The following SORCS2 variants were observed in gnomAD, a reference collection of about 807,000 sequenced individuals.
SORCS2 encodes VPS10 domain-containing receptor SorCS2.
SORCS2 carries 100 observed loss-of-function variants against 141.6 expected under a neutral mutation model. That is an observed-to-expected ratio of 0.71 (90% CI 0.60 to 0.83). The LOEUF (loss-of-function observed/expected upper bound fraction) is 0.83. SORCS2 is among the 40% of genes least tolerant of loss of function. The probability of loss-of-function intolerance (pLI) is 0.00; values close to 1 mark genes in which losing one functional copy is unlikely to be tolerated. For synonymous variants in SORCS2, 789 were observed against 676.9 expected, an observed-to-expected ratio of 1.17 and a Z score of -2.57; for missense variants, 1,646 against 1,560.2, an observed-to-expected ratio of 1.05 and a Z score of -0.93.
At chr4:7,578,672 T>TGGGCCTGCCC (rs1715935801) in intron 3 of SORCS2, among the ~76,000 whole-genome samples, 1 of 152,186 alleles carries the variant, frequency 6.6e-6, no homozygotes, top group African/African-American at 2.4e-5. Context: ...GCAGGCCGCC[T>TGGGCCTGCCC]GGGCTGCAGT....
intron 10 of SORCS2, among the ~76,000 whole-genome samples, chr4:7,687,083 A>T (rs1319826729): frequency 1.3e-5 from 2 of 152,200 alleles, no homozygotes; most frequent in Non-Finnish European, 2.9e-5. Context: ...AAGTGACCAG[A>T]TGTGCACAGC....
At chr4:7,695,392 G>A (rs191309223) in intron 11 of SORCS2, among the ~76,000 whole-genome samples, 3 of 40,758 alleles carry the variant, frequency 7.4e-5, no homozygotes, top group Non-Finnish European at 4.7e-5. Flanking sequence ...GGATTGGTGG[G>A]TGGGTGGTTG....
intron 1 of SORCS2, among the ~76,000 whole-genome samples, chr4:7,248,139 T>C (rs1368816647): frequency 6.6e-6 from 1 of 152,198 alleles, no homozygotes; most frequent in Admixed American, 6.5e-5. Context: ...CCACCGACTG[T>C]GTGTGGCCCC....
At chr4:7,714,113 C>T in intron 15 of SORCS2, 127 bp from the exon 16 acceptor site, 1 of 1,362,516 alleles carries the variant, frequency 7.3e-7, no homozygotes, top group Non-Finnish European at 9.8e-7. Context: ...CATTATGGGC[C>T]TCAGTTTCCC....
chr4:7,703,725 G>T (rs1427767185), intron 13 of SORCS2, among the ~76,000 whole-genome samples: 2 of 152,032 alleles, frequency 1.3e-5, no homozygotes, highest in African/African-American at 4.8e-5. Context: ...AGGTGAGAGG[G>T]TTGGCAGCTG....
intron 2 of SORCS2, among the ~76,000 whole-genome samples, chr4:7,482,869 G>C (rs766935626): frequency 2.9e-4 from 44 of 152,184 alleles, no homozygotes; most frequent in Non-Finnish European, 5.4e-4. Flanking sequence ...GGACACCCCT[G>C]GCTGCTGTGG....
intron 18 of SORCS2, among the ~76,000 whole-genome samples, chr4:7,722,144 C>A (rs1208308315): frequency 6.6e-6 from 1 of 152,200 alleles, no homozygotes; most frequent in Non-Finnish European, 1.5e-5. Context: ...GAACACAAGG[C>A]CCCGAGAGGT....
At chr4:7,556,138 A>G (rs55942896) in intron 3 of SORCS2, among the ~76,000 whole-genome samples, 57,744 of 152,010 alleles carry the variant, frequency 0.38, 12,180 homozygotes, top group African/African-American at 0.56. Flanking sequence ...GAGGGGACCC[A>G]CTGGAGGCCA....
At chr4:7,309,499 G>A (rs915151412) in intron 1 of SORCS2, among the ~76,000 whole-genome samples, 4 of 152,210 alleles carry the variant, frequency 2.6e-5, no homozygotes, top group African/African-American at 9.6e-5. Context: ...TTGACACCGG[G>A]CGACACAGAC....
intron 3 of SORCS2, among the ~76,000 whole-genome samples, chr4:7,578,968 C>A (rs1715955352): frequency 6.6e-6 from 1 of 152,212 alleles, no homozygotes; most frequent in Admixed American, 6.5e-5. Flanking sequence ...CACTTGTCTT[C>A]CCATGATGCC....
rs573171951 is a variant in SORCS2, at chr4:7,591,743, C to T, written c.649-46585C>T. On this transcript the variant is annotated intron_variant, in intron 3 of 26. Transcript: ENST00000507866. ...TAGAGCCCGGGAGAGCTTTCTAAAGCGCCCCACGGCAGTGATGAATCCCGG... is the reference window on the plus strand; with the variant it reads ...TAGAGCCCGGGAGAGCTTTCTAAAGTGCCCCACGGCAGTGATGAATCCCGG... 1.3e-4 allele frequency among the ~76,000 whole-genome samples: 20 copies of T among 152,296 alleles called. No homozygotes were observed. In the South Asian group the frequency reaches 2.5e-3, roughly 19 times the overall value.
At chr4:7,310,704 GTC>G (rs1718129576) in intron 1 of SORCS2, among the ~76,000 whole-genome samples, 1 of 152,242 alleles carries the variant, frequency 6.6e-6, no homozygotes, top group Non-Finnish European at 1.5e-5. Context: ...AGTCTGCAGA[GTC>G]TTCCACGGTT....
Position 7,286,423 on chromosome 4 carries a change from C to T in SORCS2, c.480+93297C>T, listed in dbSNP as rs1201711593. ...CAGGGTGTGGGCGAAGGGAGACGTC[C>T]TGGAAGGCAGCCACGAGGCCTGACG... On this transcript the variant is annotated intron_variant, in intron 1 of 26. Transcript: ENST00000507866. This position sits in a 1 kb window ranked among gnomAD's most constrained non-coding sequence, Gnocchi z 4.1. Among the ~76,000 whole-genome samples, 1 of 152,198 alleles carries T rather than the reference C, an allele frequency of 6.6e-6. No individual in the cohort carries two copies. The highest frequency in any genetic ancestry group is 1.5e-5 in the Non-Finnish European group (1 of 68,038).
chr4:7,443,059 A>G (rs941209067), intron 2 of SORCS2, among the ~76,000 whole-genome samples: 4 of 152,130 alleles, frequency 2.6e-5, no homozygotes, highest in Non-Finnish European at 5.9e-5. Flanking sequence ...CCTTCTTCCT[A>G]TGAGAATACC....
chr4:7,516,715 C>T (rs1733007611), intron 2 of SORCS2, among the ~76,000 whole-genome samples: 1 of 152,102 alleles, frequency 6.6e-6, no homozygotes, highest in African/African-American at 2.4e-5. Flanking sequence ...AGGAACTGGG[C>T]CACACTCATC....
intron 3 of SORCS2, among the ~76,000 whole-genome samples, chr4:7,573,407 T>A (rs1049399712): frequency 6.6e-6 from 1 of 152,262 alleles, no homozygotes; most frequent in Admixed American, 6.5e-5. Context: ...AATGTCAGTC[T>A]GGTTCCTAAG....
At chr4:7,464,522 G>A (rs576095673) in intron 2 of SORCS2, among the ~76,000 whole-genome samples, 110 of 152,280 alleles carry the variant, frequency 7.2e-4, no homozygotes, top group African/African-American at 2.5e-3. Flanking sequence ...GAGGGGAAGT[G>A]TGCTGCAGAG....
At chr4:7,376,210 A>G (rs565572639) in intron 1 of SORCS2, among the ~76,000 whole-genome samples, 8 of 152,184 alleles carry the variant, frequency 5.3e-5, no homozygotes, top group South Asian at 4.1e-4. Flanking sequence ...TTGTAGTACA[A>G]TTTTTCCCTG....
chr4:7,737,254 C>T, intron 26 of SORCS2, 82 bp downstream of exon 26: 2 of 1,534,886 alleles, frequency 1.3e-6, no homozygotes, highest in Non-Finnish European at 1.8e-6. Context: ...TCCCACAGGC[C>T]ACCCCGCTGG....
Sources: allele counts gnomAD v4.1 joint callset (sites outside exome capture counted in the v4.1 genomes callset), GRCh38; gene constraint gnomAD v4.1.1; non-coding constraint Gnocchi (gnomAD v3.1); transcripts MANE v1.5; gene names NCBI Gene and HGNC (gene_info 2026-07-23, HGNC 2026-07-21).